CDH12: variants seen among roughly 807,000 people sequenced by gnomAD.
The protein encoded by CDH12 is cadherin-12.
Under a neutral mutation model 74.1 loss-of-function variants are expected in CDH12, and 41 were observed. The ratio of observed to expected loss-of-function variants is 0.55; its 90% confidence interval spans 0.43 to 0.72. The LOEUF is 0.72. CDH12 is among the 30% of genes least tolerant of loss of function. CDH12 has a pLI of 0.00. For synonymous variants in CDH12, 399 were observed against 355.0 expected (o/e 1.12, Z -1.39); for missense variants, 945 against 977.2 (o/e 0.97, Z 0.44).
At chr5:21,752,292 C>G in intron 14 of CDH12, 56 bp from the exon 15 acceptor site, 1 of 1,490,802 alleles carries the variant, frequency 6.7e-7, no homozygotes, top group Non-Finnish European at 9.0e-7. Flanking sequence ...GTCATTTCAT[C>G]TCTCCATAAA....
At chr5:22,288,716 T>C (rs1484025502) in intron 3 of CDH12, among the ~76,000 whole-genome samples, 2 of 152,272 alleles carry the variant, frequency 1.3e-5, no homozygotes, top group Non-Finnish European at 1.5e-5. Context: ...ATTGTCTACA[T>C]TGCTAGTCCT....
At chr5:22,585,065 T>C (rs1002958273) in intron 1 of CDH12, among the ~76,000 whole-genome samples, 7 of 152,268 alleles carry the variant, frequency 4.6e-5, no homozygotes, top group Non-Finnish European at 8.8e-5. Flanking sequence ...CTATTCAGTA[T>C]AATTTTACTT....
At chr5:22,612,643 G>T (rs1239987371) in intron 1 of CDH12, among the ~76,000 whole-genome samples, 2 of 152,044 alleles carry the variant, frequency 1.3e-5, no homozygotes, top group Admixed American at 1.3e-4. Flanking sequence ...GAATGTCAAT[G>T]TGATGCATCA....
intron 2 of CDH12, among the ~76,000 whole-genome samples, chr5:22,459,516 A>G (rs1745417403): frequency 6.6e-6 from 1 of 152,222 alleles, no homozygotes; most frequent in South Asian, 2.1e-4. Flanking sequence ...GCTCTTAGTG[A>G]AGTTAGTTCA....
chr5:22,209,598 TG>T (rs1224379394), intron 4 of CDH12, among the ~76,000 whole-genome samples: 1 of 151,162 alleles, frequency 6.6e-6, no homozygotes, highest in Non-Finnish European at 1.5e-5. Context: ...GTAGAGACTT[TG>T]CTTACAGTAG....
intron 1 of CDH12, among the ~76,000 whole-genome samples, chr5:22,681,414 G>A (rs1561573668): frequency 6.6e-6 from 1 of 151,860 alleles, no homozygotes; most frequent in Non-Finnish European, 1.5e-5. Flanking sequence ...AAAGCATTTT[G>A]CTAAGTTCCA....
intron 9 of CDH12, among the ~76,000 whole-genome samples, chr5:21,808,798 T>C (rs1347338677): frequency 6.6e-6 from 1 of 152,084 alleles, no homozygotes; most frequent in East Asian, 1.9e-4. Flanking sequence ...TGACAAAAGG[T>C]TGCAACTCAA....
intron 1 of CDH12, among the ~76,000 whole-genome samples, chr5:22,839,129 A>T (rs1326832085): frequency 6.6e-6 from 1 of 152,202 alleles, no homozygotes; most frequent in African/African-American, 2.4e-5. Context: ...GATGTAGCAT[A>T]GATTTTTTTG....
At chr5:22,679,193 C>A (rs1218883827) in intron 1 of CDH12, among the ~76,000 whole-genome samples, 1 of 152,094 alleles carries the variant, frequency 6.6e-6, no homozygotes, top group Admixed American at 6.6e-5. Context: ...CACCACTAAA[C>A]TTCCAGGTAT....
rs1739413540 is a variant in CDH12 at position 22,645,940 on chromosome 5, A to G, written c.-522-140576T>C. On this transcript the variant is annotated intron_variant, in intron 1 of 14. Transcript: ENST00000382254. ...TAAATTACAGTATAATATAAACATAATTTTATCTGTGGGAAACAAAAAGGA... is the reference window on the plus strand; with the variant it reads ...TAAATTACAGTATAATATAAACATAGTTTTATCTGTGGGAAACAAAAAGGA... Among the ~76,000 whole-genome samples the G allele has an allele frequency of 2.0e-5, 3 of 151,914 alleles. No homozygotes were observed. The South Asian group carries it at 6.2e-4, about 31-fold the overall frequency.
chr5:22,743,254 T>G (rs1270102579), intron 1 of CDH12, among the ~76,000 whole-genome samples: 2 of 123,988 alleles, frequency 1.6e-5, no homozygotes, highest in Non-Finnish European at 1.6e-5. Context: ...CATAATAGCA[T>G]GGAGATTATA....
intron 1 of CDH12, among the ~76,000 whole-genome samples, chr5:22,847,742 A>G (rs1737370439): frequency 6.6e-6 from 1 of 152,218 alleles, no homozygotes; most frequent in Admixed American, 6.5e-5. Flanking sequence ...TGGCATTATT[A>G]AAATTAATGA....
At chr5:22,537,374 T>C (rs554449746) in intron 1 of CDH12, among the ~76,000 whole-genome samples, 1 of 152,312 alleles carries the variant, frequency 6.6e-6, no homozygotes, top group African/African-American at 2.4e-5. Flanking sequence ...TTAAAGGAAT[T>C]TAATACAGTA....
intron 4 of CDH12, among the ~76,000 whole-genome samples, chr5:22,091,282 T>A (rs2150238090): frequency 6.7e-6 from 1 of 149,416 alleles, no homozygotes; most frequent in East Asian, 1.9e-4. Context: ...TGTGTTTGTG[T>A]GTGTGTGTGA....
chr5:22,533,007 A>T (rs967578325), intron 1 of CDH12, among the ~76,000 whole-genome samples: 2 of 152,138 alleles, frequency 1.3e-5, no homozygotes, highest in Admixed American at 1.3e-4. Flanking sequence ...GAAACTTTAA[A>T]GAGGTATATC....
chr5:22,697,195 GGAT>G (rs1742415906), intron 1 of CDH12, among the ~76,000 whole-genome samples: 1 of 152,054 alleles, frequency 6.6e-6, no homozygotes, highest in South Asian at 2.1e-4. Context: ...TATAGAGAAG[GGAT>G]GATTTCAGGT....
chr5:22,621,310 T>C (rs745359614), intron 1 of CDH12, among the ~76,000 whole-genome samples: 46 of 152,274 alleles, frequency 3.0e-4, no homozygotes, highest in Non-Finnish European at 5.9e-4. Flanking sequence ...TTTTGTTGTG[T>C]AAGAATGTAT....
chr5:22,111,778 T>C (rs1374877582), intron 4 of CDH12, among the ~76,000 whole-genome samples: 1 of 152,152 alleles, frequency 6.6e-6, no homozygotes, highest in Non-Finnish European at 1.5e-5. Context: ...CTACCTATCA[T>C]AAACAAAGAG....
chr5:21,866,464 G>A (rs912521528), intron 6 of CDH12, among the ~76,000 whole-genome samples: 4 of 152,204 alleles, frequency 2.6e-5, no homozygotes, highest in Admixed American at 1.3e-4. Context: ...TGTGGAATCT[G>A]TTGGCAACTG....
Sources: gnomAD v4.1 joint callset for allele counts (sites outside exome capture counted in the v4.1 genomes callset) on GRCh38, gnomAD v4.1.1 for gene constraint, MANE v1.5 for transcripts, NCBI Gene and HGNC (gene_info 2026-07-23, HGNC 2026-07-21) for gene names.